The following LILRB1 variants were observed in gnomAD, a reference collection of about 807,000 sequenced individuals.
The protein encoded by LILRB1 is leukocyte immunoglobulin like receptor B1.
A neutral mutation model predicts 74.6 loss-of-function variants in LILRB1; 59 were observed. The observed-to-expected ratio is 0.79, with a 90% CI of 0.64 to 0.98. The LOEUF (loss-of-function observed/expected upper bound fraction) is 0.98. LILRB1 is among the 50% of genes least tolerant of loss of function. LILRB1 has a pLI of 0.00. For missense variants in LILRB1, 804 were observed against 822.6 expected (o/e 0.98, Z 0.28); for synonymous variants, 328 against 333.9 (o/e 0.98, Z 0.19).
chr19:54,634,744 G>A lies in LILRB1; in HGVS notation c.1467G>A (p.Gln489=), dbSNP rs780713215. The A allele has an allele frequency of 1.5e-5, 25 of 1,613,866 alleles. No homozygotes were observed. In the Admixed American group the frequency reaches 4.0e-4, roughly 26 times the overall value. ...TCCTCATCCTCCGACATCGACGTCA[G>A]GGCAAACACTGGACATCGAGTGAGT... is the stretch of plus-strand genomic sequence containing the variant. ...LLFLILRHRR[Q]GKHWTSTQRK... is the part of the protein sequence containing the mutation. Residue 489 remains glutamine (Q), a synonymous_variant, in exon 10 of 15, where the codon CAG becomes CAA. Coordinates refer to ENST00000324602, the MANE Select transcript of LILRB1 (RefSeq NM_001081637.3).
intron 7 of LILRB1, 143 bp downstream of exon 7, chr19:54,633,461 GA>G (rs2064099362): frequency 7.7e-7 from 1 of 1,306,232 alleles, no homozygotes; most frequent in Admixed American, 2.5e-5. Context: ...GGAAGGAGGA[GA>G]ACAGGGCCCT....
Position 54,635,277 on chromosome 19 carries a change from T to A in LILRB1, c.1581T>A (p.Asp527Glu). ...CCCCCAGGTCCAGCCCAGCTGCCGATGCCCAGGAAGAAAACCTCTGTGAGT... is the reference window on the plus strand; with the variant it reads ...CCCCCAGGTCCAGCCCAGCTGCCGAAGCCCAGGAAGAAAACCTCTGTGAGT... Reference protein sequence around the residue: ...GLQWRSSPAADAQEENLYAAV... With the variant: ...GLQWRSSPAAEAQEENLYAAV... Residue 527 changes from aspartate to glutamate, a missense_variant, in exon 12 of 15, where the codon GAT becomes GAA. Transcript: ENST00000324602. The A allele has an allele frequency of 6.3e-7, 1 of 1,590,726 alleles. No individual in the cohort carries two copies.
Position 54,635,577 on chromosome 19 carries a change from C to A in LILRB1, c.1621C>A (p.Gln541Lys). 6.2e-7 allele frequency: 1 copy of A among 1,613,824 alleles called. No individual in the cohort carries two copies. The highest frequency in any genetic ancestry group is 8.5e-7 in the Non-Finnish European group (1 of 1,179,848). ...AGCAGATGCTGCCGTGAAGCACACA[C>A]AGCCTGAGGATGGGGTGGAGATGGA... Reference protein sequence around the residue: ...ENLYAAVKHTQPEDGVEMDTR... With the variant: ...ENLYAAVKHTKPEDGVEMDTR... The change falls in exon 13 of 15, where the codon CAG (glutamine) becomes AAG (lysine). Residue 541 changes from glutamine (Q) to lysine (K), a missense_variant. By Grantham distance (53) the Gln-to-Lys change is moderately conservative (BLOSUM62 1). Coordinates refer to ENST00000324602, the MANE Select transcript of LILRB1 (RefSeq NM_001081637.3).
rs536137977 is a variant in LILRB1, at chr19:54,630,557, G to A, written c.-125G>A. 3.6e-5 allele frequency: 22 copies of A among 607,178 alleles called. No homozygotes were observed. In the African/African-American group the frequency reaches 3.7e-4, roughly 10 times the overall value. The allele number at this position is 607,178 out of a possible 1,614,324, so 37.6% of individuals were successfully genotyped here. ...ACAGCCAGATGCGAGATGCGTCTCT[G>A]CTGATCTGAGTCTGCCTGCAGCATG... On this transcript the variant is annotated 5_prime_UTR_variant, in exon 1 of 15. Coordinates refer to ENST00000324602, the MANE Select transcript of LILRB1 (RefSeq NM_001081637.3).
chr19:54,627,055 G>A (rs2063611868), upstream of LILRB1, among the ~76,000 whole-genome samples: 1 of 152,202 alleles, frequency 6.6e-6, no homozygotes, highest in African/African-American at 2.4e-5. Context: ...AGAAGAGGGA[G>A]AACAACAGTC....
intron 7 of LILRB1, 22 bp downstream of exon 7, chr19:54,633,340 T>A (rs767104981): frequency 3.1e-6 from 5 of 1,604,994 alleles, no homozygotes; most frequent in South Asian, 2.2e-5. Context: ...GACCCTGTCC[T>A]CTCTGAGCTC....
At position 54,634,703 on chromosome 19, in the gene LILRB1, C is replaced by T. The variant is rs1366816142; in HGVS notation, c.1426C>T (p.Leu476Phe). ...GGTGGCCGTCATCCTACTGCTCCTC[C>T]TCCTCCTCCTCCTCTTCCTCATCCT... is the stretch of plus-strand genomic sequence containing the variant. Reference protein sequence around the residue: ...ILVAVILLLLLLLLLFLILRH... With the variant: ...ILVAVILLLLFLLLLFLILRH... The change falls in exon 10 of 15, where the codon CTC becomes TTC. Residue 476 changes from leucine to phenylalanine, a missense_variant. Coordinates refer to ENST00000324602, the MANE Select transcript of LILRB1 (RefSeq NM_001081637.3). 1.2e-6 allele frequency: 2 copies of T among 1,613,872 alleles called. No homozygotes were observed. The highest frequency in any genetic ancestry group is 2.2e-5 in the East Asian group (1 of 44,872).
chr19:54,632,966 C>T, intron 6 of LILRB1, 50 bp from the exon 7 acceptor site: 2 of 1,585,712 alleles, frequency 1.3e-6, no homozygotes, highest in Non-Finnish European at 1.7e-6. Flanking sequence ...GGGGAGGTGT[C>T]AGCTCAGAGC....
At chr19:54,624,556 G>A (rs907455331) in intron 1 of LILRB1, among the ~76,000 whole-genome samples, 5 of 152,098 alleles carry the variant, frequency 3.3e-5, no homozygotes, top group Non-Finnish European at 7.4e-5. Flanking sequence ...TGGGAGAGTG[G>A]ACGTCAGTTG....
At chr19:54,619,123 G>A (rs1600305924) in intron 1 of LILRB1, among the ~76,000 whole-genome samples, 1 of 152,140 alleles carries the variant, frequency 6.6e-6, no homozygotes. Flanking sequence ...ATGGAAACAG[G>A]AAATAAGAGA....
At chr19:54,633,901 G>T in intron 8 of LILRB1, 70 bp from the exon 9 acceptor site, 2 of 1,539,730 alleles carry the variant, frequency 1.3e-6, no homozygotes, top group Non-Finnish European at 8.8e-7. Context: ...GGCCCAGCCT[G>T]GGGGAGGAGC....
At chr19:54,616,858 G>T (rs549085596), upstream of LILRB1, among the ~76,000 whole-genome samples, 1 of 152,232 alleles carries the variant, frequency 6.6e-6, no homozygotes, top group East Asian at 1.9e-4. Flanking sequence ...AGTGATGAGG[G>T]GTGCTTGTGG....
chr19:54,631,792 G>T lies in LILRB1; in HGVS notation c.358+5G>T, dbSNP rs768252809. ...CCCTGGAGCTGGTGGTGACAGGTGA[G>T]CTGACACTCAGGGGTCCCAGCCCCA... On this transcript the variant is annotated splice_donor_5th_base_variant and intron_variant, in intron 4 of 14. Transcript: ENST00000324602. 19 of 1,613,794 alleles carry T rather than the reference G, an allele frequency of 1.2e-5. No homozygotes were observed. Among genetic ancestry groups the T allele is most frequent in the Admixed American group, 1.7e-5 (1 of 60,000 alleles).
intron 1 of LILRB1, among the ~76,000 whole-genome samples, chr19:54,619,198 A>G (rs1435695189): frequency 6.6e-6 from 1 of 152,156 alleles, no homozygotes; most frequent in Non-Finnish European, 1.5e-5. Flanking sequence ...AAGTAATTTT[A>G]CACAAGAAAG....
intron 1 of LILRB1, among the ~76,000 whole-genome samples, chr19:54,621,958 G>A (rs2063469125): frequency 6.6e-6 from 1 of 151,990 alleles, no homozygotes; most frequent in African/African-American, 2.4e-5. Context: ...TTTCCCCATT[G>A]TTTACTTTGT....
chr19:54,624,920 T>A lies in LILRB1; in HGVS notation c.-165-5597T>A, dbSNP rs571293497. 1.5e-3 allele frequency among the ~76,000 whole-genome samples: 217 copies of A among 145,084 alleles called. 1 individual carries two copies. The highest frequency in any genetic ancestry group is 4.7e-3 in the African/African-American group (188 of 40,320). On this transcript the variant is annotated intron_variant, in intron 1 of 15. Coordinates refer to the LILRB1 transcript ENST00000396331. ...TGTCCAGGTGGGGGCAGGGTGGCTG[T>A]GCTGTGGGCCTGTCACTAGGGAGGG...
upstream of LILRB1, among the ~76,000 whole-genome samples, chr19:54,629,305 A>G (rs1423947297): frequency 6.6e-6 from 1 of 152,132 alleles, no homozygotes; most frequent in Non-Finnish European, 1.5e-5. Context: ...GTATCCCAAG[A>G]AACAACTCTA....
chr19:54,633,371 G>GCC lies in LILRB1; in HGVS notation c.1261+56_1261+57dup, dbSNP rs368563789. On this transcript the variant is annotated intron_variant, in intron 7 of 14. Transcript: ENST00000324602. The stretch of plus-strand genomic sequence containing the variant: ...AGCTCAAAGTCTCAGCTCAGACCCT[G>GCC]CCCCAGGAGAGCTCTGGGCTGGGAT... 1.2e-3 allele frequency: 1,891 copies of GCC among 1,556,988 alleles called. 20 individuals carry two copies. In the African/African-American group the frequency reaches 0.023, roughly 19 times the overall value.
At position 54,632,721 on chromosome 19, in the gene LILRB1, T is replaced by A. The variant is rs1476853617; in HGVS notation, c.919T>A (p.Trp307Arg). 1 of 1,612,192 alleles carries A rather than the reference T, an allele frequency of 6.2e-7. No homozygotes were observed. Among genetic ancestry groups the A allele is most frequent in the South Asian group, 1.1e-5 (1 of 90,968 alleles). ...CYGAHNLSSE[W>R]SAPSDPLDIL... The stretch of plus-strand genomic sequence containing the variant: ...CGGTGCACACAACCTCTCCTCCGAG[T>A]GGTCGGCCCCCAGCGACCCCCTGGA... The change falls in exon 6 of 15, where the codon TGG (tryptophan) becomes AGG (arginine). Residue 307 changes from tryptophan to arginine, a missense_variant. Trp to Arg is a moderately radical substitution (Grantham distance 101). Transcript: ENST00000324602.
Sources: allele counts gnomAD v4.1 joint callset (sites outside exome capture counted in the v4.1 genomes callset), GRCh38; gene constraint gnomAD v4.1.1; transcripts MANE v1.5; gene names NCBI Gene and HGNC (gene_info 2026-07-23, HGNC 2026-07-21).